TUBB1: variants seen among roughly 807,000 people sequenced by gnomAD.
TUBB1 encodes the protein tubulin beta 1 class VI.
TUBB1 carries 28 observed loss-of-function variants against 22.6 expected under a neutral mutation model. That is an observed-to-expected ratio of 1.24 (90% confidence interval 0.92 to 1.70). TUBB1 has a LOEUF of 1.70. Among genes scored for constraint, TUBB1 ranks in the 40% most tolerant of loss-of-function variants. The probability of loss-of-function intolerance (pLI) is 0.00; values close to 1 mark genes in which losing one functional copy is unlikely to be tolerated. For synonymous variants in TUBB1, 226 were observed against 238.0 expected, an observed-to-expected ratio of 0.95 and a Z score of 0.46; for missense variants, 577 against 605.5, an observed-to-expected ratio of 0.95 and a Z score of 0.49.
rs2091990711 is a variant in TUBB1, at chr20:59,025,671, CTT to C, written c.*890_*891del. ...CAAAATGCTCTGCAGCCTCTCTGCTCTTTGAGAAAGGGCACACCATGCGCTCG... is the reference window on the plus strand; with the variant it reads ...CAAAATGCTCTGCAGCCTCTCTGCTCTGAGAAAGGGCACACCATGCGCTCG... On this transcript the variant is annotated 3_prime_UTR_variant, in exon 4 of 4. Transcript: ENST00000217133. The C allele has an allele frequency of 1.3e-5, 2 of 152,236 alleles. No homozygotes were observed. Among genetic ancestry groups the C allele is most frequent in the South Asian group, 4.1e-4 (2 of 4,836 alleles). The allele number at this position is 152,236 out of a possible 1,614,324, so 9.4% of individuals were successfully genotyped here. A position where few individuals can be genotyped will look rare whatever the true frequency, so the allele number is the denominator to read the frequency against.
Position 59,025,826 on chromosome 20 carries a change from A to G in TUBB1, c.*1043A>G, listed in dbSNP as rs1275708434. On this transcript the variant is annotated 3_prime_UTR_variant, in exon 4 of 4. Coordinates refer to ENST00000217133, the MANE Select transcript of TUBB1 (RefSeq NM_030773.4). ...TGCAGAAGTTGCCATAAATGTTTGC[A>G]TAATGACATAGCTTTAAGCACTACA... 1 of 152,280 alleles carries G rather than the reference A, an allele frequency of 6.6e-6. No individual in the cohort carries two copies. The highest frequency in any genetic ancestry group is 1.5e-5 in the Non-Finnish European group (1 of 68,046). 9.4% of individuals were successfully genotyped at this position (152,280 alleles called of 1,614,324 possible).
chr20:59,016,820 C>T (rs1271805560), upstream of TUBB1, among the ~76,000 whole-genome samples: 3 of 152,028 alleles, frequency 2.0e-5, no homozygotes, highest in African/African-American at 7.2e-5. Flanking sequence ...CTGCTGAGGA[C>T]CTGTGAATAT....
chr20:59,024,115 T>C lies in TUBB1; in HGVS notation c.688T>C (p.Ser230Pro). 1 of 1,614,138 alleles carries C rather than the reference T, an allele frequency of 6.2e-7. No homozygotes were observed. Among genetic ancestry groups the C allele is most frequent in the Non-Finnish European group, 8.5e-7 (1 of 1,180,018 alleles). ...CTATGGGGATCTCAACCACCTAGTG[T>C]CCTTGACCATGAGCGGCATAACCAC... ...PTYGDLNHLV[S>P]LTMSGITTSL... The change falls in exon 4 of 4, where the codon TCC (serine) becomes CCC (proline). Residue 230 changes from serine (S) to proline (P), a missense_variant. Transcript: ENST00000217133. This position sits in a 1 kb window ranked among gnomAD's most constrained non-coding sequence, Gnocchi z 4.9.
At position 59,023,748 on chromosome 20, in the gene TUBB1, G is replaced by A. The variant is rs781709835; in HGVS notation, c.321G>A (p.Thr107=). 2.5e-5 allele frequency: 40 copies of A among 1,614,076 alleles called. No individual in the cohort carries two copies. The highest frequency in any genetic ancestry group is 9.9e-5 in the South Asian group (9 of 91,092). ...AGNNWAKGHY[T]EGAELIENVL... The stretch of plus-strand genomic sequence containing the variant: ...ACAACTGGGCCAAAGGCCACTACAC[G>A]GAGGGAGCCGAGCTGATCGAGAATG... The change falls in exon 4 of 4, where the codon ACG becomes ACA. Residue 107 remains threonine, a synonymous_variant. Transcript: ENST00000217133.
chr20:59,021,812 T>C (rs2091968267), intron 1 of TUBB1, among the ~76,000 whole-genome samples: 1 of 152,188 alleles, frequency 6.6e-6, no homozygotes, highest in African/African-American at 2.4e-5. Context: ...CTGGCTAACA[T>C]GGCAAAACCC....
chr20:59,019,700 A>G (rs947815730), intron 1 of TUBB1, 121 bp downstream of exon 1: 14 of 1,022,740 alleles, frequency 1.4e-5, no homozygotes, highest in African/African-American at 1.3e-4. Flanking sequence ...TACTTGCTAA[A>G]TATCAGACAA....
chr20:59,022,825 G>T lies in TUBB1; in HGVS notation c.58-20G>T. ...GCCTTTTTCGGGGTCCGTTTACTCT[G>T]ACCTTCCTCCTGCTTTCAGTTCTGG... On this transcript the variant is annotated intron_variant, in intron 1 of 3. Coordinates refer to ENST00000217133, the MANE Select transcript of TUBB1 (RefSeq NM_030773.4). 6.2e-7 allele frequency: 1 copy of T among 1,612,472 alleles called. No individual in the cohort carries two copies. Among genetic ancestry groups the T allele is most frequent in the Non-Finnish European group, 8.5e-7 (1 of 1,178,570 alleles).
Position 59,026,177 on chromosome 20 carries a change from CT to C in TUBB1, c.*1396del, listed in dbSNP as rs1242643142. ...GATGACAGTTGCTCATTCTGAGAAA[CT>C]TCACTCTTTTCACTTATGCATCACG... On this transcript the variant is annotated 3_prime_UTR_variant, in exon 4 of 4. Coordinates refer to ENST00000217133, the MANE Select transcript of TUBB1 (RefSeq NM_030773.4). 6.6e-6 allele frequency: 1 copy of C among 152,192 alleles called. No homozygotes were observed. The highest frequency in any genetic ancestry group is 1.9e-4 in the East Asian group (1 of 5,202). 9.4% of individuals were successfully genotyped at this position (152,192 alleles called of 1,614,324 possible). A position where few individuals can be genotyped will look rare whatever the true frequency, so the allele number is the denominator to read the frequency against.
chr20:59,021,005 T>C (rs866384521), intron 1 of TUBB1, among the ~76,000 whole-genome samples: 2 of 152,390 alleles, frequency 1.3e-5, no homozygotes, highest in Middle Eastern at 6.8e-3. Flanking sequence ...TTTCTGCCTT[T>C]TGGCTACTGT....
Position 59,022,968 on chromosome 20 carries a change from G to T in TUBB1, c.166+15G>T. 1 of 1,606,846 alleles carries T rather than the reference G, an allele frequency of 6.2e-7. No individual in the cohort carries two copies. ...CGAAGCCTACGGTAGGACTGGCGGGGCTCTGGGAGCAGTGGTCCCGCAACT... is the reference window on the plus strand; with the variant it reads ...CGAAGCCTACGGTAGGACTGGCGGGTCTCTGGGAGCAGTGGTCCCGCAACT... On this transcript the variant is annotated intron_variant, in intron 2 of 3. Coordinates refer to ENST00000217133, the MANE Select transcript of TUBB1 (RefSeq NM_030773.4).
At chr20:59,019,163 T>C (rs1273351148), upstream of TUBB1, 2 of 339,216 alleles carry the variant, frequency 5.9e-6, no homozygotes, top group Admixed American at 4.2e-5. Flanking sequence ...AGGGCCAGCA[T>C]GGTCACCTAG....
rs35989782 is a variant in TUBB1 at position 59,023,507 on chromosome 20, C to T, written c.184C>T (p.Arg62Ter). 1.4e-5 allele frequency: 22 copies of T among 1,613,866 alleles called. No individual in the cohort carries two copies. In the East Asian group the frequency reaches 2.0e-4, roughly 15 times the overall value. ...CTACACAGGTAGGAAATATGTGCCCCGAGCAGTCTTGGTGGACCTAGAACC... is the reference window on the plus strand; with the variant it reads ...CTACACAGGTAGGAAATATGTGCCCTGAGCAGTCTTGGTGGACCTAGAACC... Reference protein sequence around the residue: ...NEAYGRKYVPRAVLVDLEPGT... With the variant: ...NEAYGRKYVP The change falls in exon 3 of 4, where the codon CGA (arginine) becomes TGA (stop). Residue 62 changes from arginine to a stop codon, truncating the protein, a stop_gained. Transcript: ENST00000217133. LOFTEE classifies it high-confidence loss of function.
intron 1 of TUBB1, among the ~76,000 whole-genome samples, chr20:59,021,705 A>T (rs1345398955): frequency 6.6e-6 from 1 of 152,174 alleles, no homozygotes; most frequent in African/African-American, 2.4e-5. Flanking sequence ...TCAAAAATGC[A>T]CATTACTGGC....
At chr20:59,022,984 T>TCC in intron 2 of TUBB1, 31 bp downstream of exon 2, 1 of 1,572,116 alleles carries the variant, frequency 6.4e-7, no homozygotes, top group Non-Finnish European at 8.7e-7. Context: ...GGAGCAGTGG[T>TCC]CCCGCAACTG....
chr20:59,019,679 C>T (rs2091959447), intron 1 of TUBB1, 100 bp downstream of exon 1: 1 of 1,235,700 alleles, frequency 8.1e-7, no homozygotes, highest in Non-Finnish European at 1.2e-6. Flanking sequence ...ATAAGTCTAG[C>T]AGATTTAATG....
rs1470894566 is a variant in TUBB1, at chr20:59,023,799, T to G, written c.372T>G (p.Ser124Arg). ...TCCTAGAGGTGGTGAGGCACGAGAG[T>G]GAGAGCTGTGACTGCCTGCAGGGCT... ...ENVLEVVRHE[S>R]ESCDCLQGFQ... is the part of the protein sequence containing the mutation. Residue 124 changes from serine to arginine, a missense_variant, in exon 4 of 4, where the codon AGT becomes AGG. Physicochemically the swap from Ser to Arg is moderately radical, Grantham distance 110. Coordinates refer to ENST00000217133, the MANE Select transcript of TUBB1 (RefSeq NM_030773.4). 3 of 1,613,614 alleles carry G rather than the reference T, an allele frequency of 1.9e-6. No homozygotes were observed. The African/African-American group carries it at 4.0e-5, about 22-fold the overall frequency.
In TUBB1 at chr20:59,023,897, A is replaced by G. The variant is rs148996092; in HGVS notation, c.470A>G (p.Glu157Gly). The change falls in exon 4 of 4, where the codon GAG (glutamate) becomes GGG (glycine). Residue 157 changes from glutamate (E) to glycine (G), a missense_variant. Transcript: ENST00000217133. The stretch of plus-strand genomic sequence containing the variant: ...ACTCTGCTCATGAACAAGATTAGAG[A>G]GGAGTACCCGGACCGGATCATGAAT... ...MGTLLMNKIR[E>G]EYPDRIMNSF... The G allele has an allele frequency of 2.4e-5, 38 of 1,614,010 alleles. No homozygotes were observed. The highest frequency in any genetic ancestry group is 2.8e-5 in the Non-Finnish European group (33 of 1,180,028).
chr20:59,017,401 C>T (rs2146371504), upstream of TUBB1, among the ~76,000 whole-genome samples: 1 of 152,368 alleles, frequency 6.6e-6, no homozygotes, highest in South Asian at 2.1e-4. Flanking sequence ...ACTCTTAGGA[C>T]ACAGTGCTTT....
chr20:59,022,735 G>A, intron 1 of TUBB1, 110 bp from the exon 2 acceptor site: 5 of 919,216 alleles, frequency 5.4e-6, no homozygotes, highest in Non-Finnish European at 8.8e-6. Context: ...AGAATGTCTT[G>A]GGGAGGGTCA....
Sources: allele counts gnomAD v4.1 joint callset (sites outside exome capture counted in the v4.1 genomes callset), GRCh38; gene constraint gnomAD v4.1.1; non-coding constraint Gnocchi (gnomAD v3.1); transcripts MANE v1.5; gene names NCBI Gene and HGNC (gene_info 2026-07-23, HGNC 2026-07-21).